The following DLG2 variants were observed in gnomAD, a reference collection of about 807,000 sequenced individuals.
The protein encoded by DLG2 is discs large MAGUK scaffold protein 2, also known as disks large homolog 2.
A neutral mutation model predicts 132.5 loss-of-function variants in DLG2; 45 were observed. The ratio of observed to expected loss-of-function variants is 0.34; its 90% CI spans 0.27 to 0.44. DLG2 has a LOEUF of 0.44. Ranked by LOEUF, DLG2 falls within the 20% of genes least tolerant of loss-of-function variation. The probability of loss-of-function intolerance (pLI) is 1.00; values close to 1 mark genes in which losing one functional copy is unlikely to be tolerated. For synonymous variants in DLG2, 424 were observed against 419.6 expected (o/e 1.01, Z -0.13); for missense variants, 1,045 against 1,196.9 (o/e 0.87, Z 1.87).
intron 7 of DLG2, among the ~76,000 whole-genome samples, chr11:84,417,469 T>C (rs1213717697): frequency 6.6e-6 from 1 of 152,186 alleles, no homozygotes; most frequent in East Asian, 1.9e-4. Flanking sequence ...CACAGCCTTC[T>C]TTAAATCATA....
intron 6 of DLG2, among the ~76,000 whole-genome samples, chr11:85,035,057 G>A (rs1277278364): frequency 6.6e-6 from 1 of 152,130 alleles, no homozygotes; most frequent in East Asian, 1.9e-4. Context: ...ACAGAGGTCA[G>A]TTTGTAATAT....
rs1028634365 is a variant in DLG2 at position 85,566,974 on chromosome 11, G to A, written c.40+31683C>T. Among the ~76,000 whole-genome samples, 4 of 152,056 alleles carry A rather than the reference G, an allele frequency of 2.6e-5. No homozygotes were observed. The South Asian group carries it at 8.3e-4, about 32-fold the overall frequency. On this transcript the variant is annotated intron_variant, in intron 3 of 27. Coordinates refer to ENST00000376104, the MANE Select transcript of DLG2 (RefSeq NM_001142699.3). ...CCTTGGCATTGTTGTTGAAAATCAG[G>A]TGACCACACATGTATGGTTTTATTT...
intron 6 of DLG2, among the ~76,000 whole-genome samples, chr11:84,674,645 C>G: frequency 6.6e-6 from 1 of 152,102 alleles, no homozygotes; most frequent in East Asian, 1.9e-4. Context: ...GTTGAGTATA[C>G]AAGATTATTA....
At chr11:83,515,267 T>C (rs1237151096) in intron 21 of DLG2, among the ~76,000 whole-genome samples, 1 of 152,244 alleles carries the variant, frequency 6.6e-6, no homozygotes, top group African/African-American at 2.4e-5. Flanking sequence ...AGGGTGTATG[T>C]GTCCAGGAAT....
chr11:85,256,328 A>T (rs1467082097), intron 4 of DLG2, among the ~76,000 whole-genome samples: 1 of 152,152 alleles, frequency 6.6e-6, no homozygotes, highest in Non-Finnish European at 1.5e-5. Context: ...CCAGGCGAAG[A>T]TCATCTTCCG....
At chr11:84,623,725 A>C (rs1372682287) in intron 6 of DLG2, among the ~76,000 whole-genome samples, 1 of 152,170 alleles carries the variant, frequency 6.6e-6, no homozygotes, top group East Asian at 1.9e-4. Flanking sequence ...TTTAATAAAC[A>C]AATGCAATGT....
intron 10 of DLG2, among the ~76,000 whole-genome samples, chr11:84,079,089 A>G (rs1200547719): frequency 6.6e-6 from 1 of 152,216 alleles, no homozygotes; most frequent in African/African-American, 2.4e-5. Context: ...CAAAGAGGAC[A>G]CAGATGATTT....
intron 10 of DLG2, among the ~76,000 whole-genome samples, chr11:84,089,345 G>C (rs965278785): frequency 6.6e-6 from 1 of 152,050 alleles, no homozygotes; most frequent in Non-Finnish European, 1.5e-5. Context: ...CCTTCATCTC[G>C]TGATGATTAC....
At position 84,610,864 on chromosome 11, in the gene DLG2, C is replaced by T. The variant is rs140002939; in HGVS notation, c.358-76133G>A. On this transcript the variant is annotated intron_variant, in intron 6 of 27. Transcript: ENST00000376104. ...ACCTTTTCTCCCTCTGGAATTCATA[C>T]ACGCTGTTTCCTCTGCCTGAAATAT... Among the ~76,000 whole-genome samples the T allele has an allele frequency of 2.6e-3, 398 of 152,236 alleles. 3 individuals carry two copies. Among genetic ancestry groups the T allele is most frequent in the African/African-American group, 9.4e-3 (389 of 41,548 alleles).
At chr11:83,491,782 T>C (rs866686862) in intron 21 of DLG2, among the ~76,000 whole-genome samples, 1 of 149,066 alleles carries the variant, frequency 6.7e-6, no homozygotes, top group African/African-American at 2.6e-5. Flanking sequence ...CCTTCTCTTC[T>C]CTCTCATCTT....
At chr11:84,237,106 T>G (rs922424189) in intron 8 of DLG2, among the ~76,000 whole-genome samples, 1 of 152,032 alleles carries the variant, frequency 6.6e-6, no homozygotes, top group Non-Finnish European at 1.5e-5. Context: ...TTTTTTGTAT[T>G]TTTAGTAGAG....
At chr11:84,479,003 T>C (rs950995113) in intron 7 of DLG2, among the ~76,000 whole-genome samples, 4 of 152,122 alleles carry the variant, frequency 2.6e-5, no homozygotes, top group Non-Finnish European at 5.9e-5. Context: ...ACTCCTTTAG[T>C]CCATTATAAT....
At chr11:83,769,666 C>T (rs2094300850) in intron 18 of DLG2, among the ~76,000 whole-genome samples, 1 of 149,846 alleles carries the variant, frequency 6.7e-6, no homozygotes, top group African/African-American at 2.5e-5. Context: ...CGGGGTCAAA[C>T]TATTCTCCTG....
chr11:85,381,303 T>C (rs898767425), intron 3 of DLG2, among the ~76,000 whole-genome samples: 1 of 152,124 alleles, frequency 6.6e-6, no homozygotes, highest in Non-Finnish European at 1.5e-5. Flanking sequence ...TTTAAAAAAA[T>C]TGGTAGGTTC....
At chr11:85,271,750 T>C (rs1179673800) in intron 4 of DLG2, among the ~76,000 whole-genome samples, 1 of 152,248 alleles carries the variant, frequency 6.6e-6, no homozygotes, top group African/African-American at 2.4e-5. Context: ...CTTCAGCCCC[T>C]TTCTTTGGGC....
At chr11:84,914,914 GTTATTA>G (rs1591206612) in intron 6 of DLG2, among the ~76,000 whole-genome samples, 1 of 152,146 alleles carries the variant, frequency 6.6e-6, no homozygotes, top group Admixed American at 6.5e-5. Flanking sequence ...ACAAACATTA[GTTATTA>G]TTATTAAGAA....
At chr11:85,251,249 C>A (rs913752965) in intron 4 of DLG2, among the ~76,000 whole-genome samples, 18 of 152,144 alleles carry the variant, frequency 1.2e-4, no homozygotes, top group Non-Finnish European at 2.5e-4. Flanking sequence ...GAATATTCTT[C>A]CAATCTTCAA....
chr11:84,392,930 T>C (rs2098797802), intron 7 of DLG2, among the ~76,000 whole-genome samples: 1 of 152,168 alleles, frequency 6.6e-6, no homozygotes. Context: ...GTTGAAAATA[T>C]ATAATAGAAT....
intron 3 of DLG2, among the ~76,000 whole-genome samples, chr11:85,529,115 T>C (rs1312850595): frequency 4.6e-5 from 7 of 152,210 alleles, no homozygotes; most frequent in Admixed American, 3.9e-4. Context: ...CACACAAATA[T>C]ATATGCACAC....
Sources: allele counts gnomAD v4.1 joint callset (sites outside exome capture counted in the v4.1 genomes callset), GRCh38; gene constraint gnomAD v4.1.1; transcripts MANE v1.5; gene names NCBI Gene and HGNC (gene_info 2026-07-23, HGNC 2026-07-21).